NQO2: variants seen among roughly 807,000 people sequenced by gnomAD.
NQO2 encodes ribosyldihydronicotinamide dehydrogenase [quinone].
A neutral mutation model predicts 22.0 loss-of-function variants in NQO2; 18 were observed. The ratio of observed to expected loss-of-function variants is 0.82; its 90% CI spans 0.56 to 1.21. The LOEUF (loss-of-function observed/expected upper bound fraction) is 1.21. Among genes scored for constraint, NQO2 ranks in the 50% most tolerant of loss-of-function variants. The pLI is 0.00. For synonymous variants in NQO2, 106 were observed against 110.8 expected, an observed-to-expected ratio of 0.96 and a Z score of 0.28; for missense variants, 267 against 286.9, an observed-to-expected ratio of 0.93 and a Z score of 0.50.
chr6:3,012,878 T>C (rs114973801), intron 4 of NQO2, among the ~76,000 whole-genome samples: 5,593 of 150,916 alleles, frequency 0.037, 117 homozygotes, highest in African/African-American at 0.054. Flanking sequence ...GTTACAACAC[T>C]TCACCTAGTT....
Position 3,006,243 on chromosome 6 carries a change from G to T in NQO2, c.-85-225G>T. ...CCTTTGCTGTATGACTGTCTGGATG[G>T]AAGGTTCAGAGTCCTCTCAAAAAAG... On this transcript the variant is annotated intron_variant, in intron 1 of 6. Transcript: ENST00000380455. This position sits in a 1 kb window ranked among gnomAD's most constrained non-coding sequence, Gnocchi z 4.0. 1.3e-6 allele frequency: 1 copy of T among 749,624 alleles called. No individual in the cohort carries two copies. The highest frequency in any genetic ancestry group is 1.6e-6 in the Non-Finnish European group (1 of 614,874). 46.4% of individuals were successfully genotyped at this position (749,624 alleles called of 1,614,324 possible).
chr6:3,015,811 G>A (rs1312174037), intron 5 of NQO2, among the ~76,000 whole-genome samples, 168 bp downstream of exon 5: 5 of 152,224 alleles, frequency 3.3e-5, no homozygotes, highest in Admixed American at 6.5e-5. Flanking sequence ...ACACAGCATC[G>A]TTTCTGAAAT....
At chr6:3,011,183 T>C (rs1339114975) in intron 3 of NQO2, among the ~76,000 whole-genome samples, 1 of 152,164 alleles carries the variant, frequency 6.6e-6, no homozygotes, top group Admixed American at 6.6e-5. Flanking sequence ...GAATAGCACT[T>C]TTAAGGAAAT....
At chr6:3,011,512 G>C (rs1324894845) in intron 3 of NQO2, among the ~76,000 whole-genome samples, 1 of 152,126 alleles carries the variant, frequency 6.6e-6, no homozygotes, top group Non-Finnish European at 1.5e-5. Flanking sequence ...CTGAGCAAGA[G>C]CAAGGCATAG....
At position 3,014,290 on chromosome 6, in the gene NQO2, A is replaced by ATCTGACCAAAGTGCAGGACG. The variant is rs1233354126; in HGVS notation, c.304-1237_304-1218dup. On this transcript the variant is annotated intron_variant, in intron 4 of 6. Transcript: ENST00000380455. ...TTTACTCAGTGACCTTGAGCTGCTA[A>ATCTGACCAAAGTGCAGGACG]TCTGACCAAAGTGCAGGACGTCCTT... Among the ~76,000 whole-genome samples the ATCTGACCAAAGTGCAGGACG allele has an allele frequency of 2.6e-5, 4 of 152,150 alleles. No individual in the cohort carries two copies. The East Asian group carries it at 7.7e-4, about 29-fold the overall frequency.
At chr6:3,015,687 G>A (rs746762029) in intron 5 of NQO2, 44 bp downstream of exon 5, 6 of 1,562,080 alleles carry the variant, frequency 3.8e-6, no homozygotes, top group Non-Finnish European at 5.3e-6. Flanking sequence ...GTTGGAGGGA[G>A]GGGACAGAGG....
chr6:3,014,042 A>T (rs1194892957), intron 4 of NQO2, among the ~76,000 whole-genome samples: 1 of 152,160 alleles, frequency 6.6e-6, no homozygotes, highest in African/African-American at 2.4e-5. Flanking sequence ...CTGCTTGAGG[A>T]TGCGGAGTGG....
Position 3,008,957 on chromosome 6 carries a change from G to C in NQO2, c.8-1068G>C, listed in dbSNP as rs55880849. Reference sequence around the variant, plus strand: ...AGGCAGGGCGAGATCACAGGACCACGGGACGGGGCGAAATTAAAATTGCTA... The same window carrying C: ...AGGCAGGGCGAGATCACAGGACCACCGGACGGGGCGAAATTAAAATTGCTA... On this transcript the variant is annotated intron_variant, in intron 2 of 6. Transcript: ENST00000380455. Among the ~76,000 whole-genome samples the C allele has an allele frequency of 6.6e-5, 10 of 152,254 alleles. No homozygotes were observed. The South Asian group carries it at 1.7e-3, about 25-fold the overall frequency.
At chr6:3,015,170 G>C in intron 4 of NQO2, 6 of 1,313,084 alleles carry the variant, frequency 4.6e-6, no homozygotes, top group Non-Finnish European at 6.0e-6. Context: ...CCAGGCAGGC[G>C]AAGGGGCATG....
intron 6 of NQO2, among the ~76,000 whole-genome samples, chr6:3,019,058 C>T (rs899544105): frequency 6.6e-5 from 10 of 152,026 alleles, no homozygotes; most frequent in South Asian, 2.1e-4. Flanking sequence ...ATCATAAATA[C>T]GGCTTAAAAT....
In NQO2 at chr6:3,006,306, CCT is replaced by C. The variant is rs1447633689; in HGVS notation, c.-85-159_-85-158del. 1.1e-5 allele frequency: 11 copies of C among 984,578 alleles called. No homozygotes were observed. Among genetic ancestry groups the C allele is most frequent in the Non-Finnish European group, 1.3e-5 (11 of 829,218 alleles). 61.0% of individuals were successfully genotyped at this position (984,578 alleles called of 1,614,324 possible). ...GGTTTTGACATCCTGCGTGGCTTGTCCTCTGAGGCCTAAATCTCCAGAAGATT... is the reference window on the plus strand; with the variant it reads ...GGTTTTGACATCCTGCGTGGCTTGTCCTGAGGCCTAAATCTCCAGAAGATT... On this transcript the variant is annotated intron_variant, in intron 1 of 6. Coordinates refer to ENST00000380455, the MANE Select transcript of NQO2 (RefSeq NM_000904.6). The surrounding 1 kb of genome is among the most constrained non-coding windows in gnomAD (Gnocchi z 4.0).
intron 4 of NQO2, 126 bp from the exon 5 acceptor site, chr6:3,015,404 C>G: frequency 6.8e-7 from 1 of 1,474,546 alleles, no homozygotes; most frequent in Non-Finnish European, 9.0e-7. Context: ...TAAGGGTTAC[C>G]CTCACCTGCC....
In NQO2 at chr6:3,006,425, C is replaced by T. The variant is rs28383614; in HGVS notation, c.-85-43C>T. 2.6e-6 allele frequency: 4 copies of T among 1,545,936 alleles called. No homozygotes were observed. The highest frequency in any genetic ancestry group is 2.1e-5 in the Admixed American group (1 of 47,842). On this transcript the variant is annotated intron_variant, in intron 1 of 6. Coordinates refer to ENST00000380455, the MANE Select transcript of NQO2 (RefSeq NM_000904.6). The surrounding 1 kb of genome is among the most constrained non-coding windows in gnomAD (Gnocchi z 4.0). ...CTAGATGTGGTACATTCGACCTCAC[C>T]TATGCCTCTCCCCACCCCCTCTGGG...
intron 4 of NQO2, among the ~76,000 whole-genome samples, chr6:3,013,764 A>G (rs535127183): frequency 1.2e-4 from 18 of 152,316 alleles, no homozygotes; most frequent in Non-Finnish European, 2.9e-5. Flanking sequence ...GCAGCAGAGT[A>G]CGCACATGAG....
In NQO2 at chr6:3,012,530, C is replaced by T; in HGVS notation, c.173-14C>T. On this transcript the variant is annotated splice_polypyrimidine_tract_variant and intron_variant, in intron 3 of 6. Transcript: ENST00000380455. ...CCACCTAGGAGTGAGAATGTTTGGC[C>T]TCTTCCCCGACAGGTACTCTTTCTA... is the stretch of plus-strand genomic sequence containing the variant. 1 of 1,613,864 alleles carries T rather than the reference C, an allele frequency of 6.2e-7. No homozygotes were observed. The highest frequency in any genetic ancestry group is 8.5e-7 in the Non-Finnish European group (1 of 1,179,880).
intron 5 of NQO2, 74 bp downstream of exon 5, chr6:3,015,717 A>G (rs767108113): frequency 1.5e-5 from 21 of 1,395,996 alleles, no homozygotes; most frequent in Non-Finnish European, 2.1e-5. Context: ...CTATCAAGTT[A>G]TATTTCTAGT....
Position 3,015,612 on chromosome 6 carries a change from T to A in NQO2, c.386T>A (p.Ile129Asn). Residue 129 changes from isoleucine (I) to asparagine (N), a missense_variant, in exon 5 of 7, where the codon ATC (isoleucine) becomes AAC (asparagine). Ile to Asn is a moderately radical substitution (Grantham distance 149). Coordinates refer to ENST00000380455, the MANE Select transcript of NQO2 (RefSeq NM_000904.6). The part of the protein sequence containing the change: ...RVLCQGFAFD[I>N]PGFYDSGLLQ... ...CTGTGCCAGGGCTTTGCCTTTGACATCCCAGGATTCTACGATTCCGGTTTG... is the reference window on the plus strand; with the variant it reads ...CTGTGCCAGGGCTTTGCCTTTGACAACCCAGGATTCTACGATTCCGGTTTG... The A allele has an allele frequency of 1.2e-6, 2 of 1,614,162 alleles. No individual in the cohort carries two copies. The highest frequency in any genetic ancestry group is 1.7e-6 in the Non-Finnish European group (2 of 1,180,018).
At chr6:3,007,099 A>G (rs1756976638) in intron 2 of NQO2, among the ~76,000 whole-genome samples, 1 of 152,168 alleles carries the variant, frequency 6.6e-6, no homozygotes, top group Non-Finnish European at 1.5e-5. Context: ...ATTATGGTGT[A>G]GATTCGGATT....
chr6:3,011,211 C>G (rs1466181717), intron 3 of NQO2, among the ~76,000 whole-genome samples: 1 of 152,128 alleles, frequency 6.6e-6, no homozygotes, highest in East Asian at 1.9e-4. Context: ...TCCTCAAGAT[C>G]ACACAGAAAA....
Sources: gnomAD v4.1 joint callset for allele counts (sites outside exome capture counted in the v4.1 genomes callset) on GRCh38, gnomAD v4.1.1 for gene constraint, Gnocchi (gnomAD v3.1) non-coding constraint, MANE v1.5 for transcripts, NCBI Gene and HGNC (gene_info 2026-07-23, HGNC 2026-07-21) for gene names.